MLLT3: variants seen among roughly 807,000 people sequenced by gnomAD.
The protein encoded by MLLT3 is MLLT3 super elongation complex subunit.
A neutral mutation model predicts 53.2 loss-of-function variants in MLLT3; 4 were observed. The ratio of observed to expected loss-of-function variants is 0.08; its 90% CI spans 0.04 to 0.17. The LOEUF is 0.17. Among genes scored for constraint, MLLT3 ranks in the 10% least tolerant of loss-of-function variants. The pLI, the probability that MLLT3 is intolerant of heterozygous loss-of-function variation, is 1.00. For synonymous variants in MLLT3, 283 were observed against 230.6 expected, an observed-to-expected ratio of 1.23 and a Z score of -2.06; for missense variants, 569 against 684.0, an observed-to-expected ratio of 0.83 and a Z score of 1.87.
intron 2 of MLLT3, among the ~76,000 whole-genome samples, chr9:20,471,095 T>C (rs1441150944): frequency 1.3e-5 from 2 of 152,040 alleles, no homozygotes; most frequent in East Asian, 1.9e-4. Context: ...TTTTTAAAGA[T>C]GGAATATGAC....
intron 4 of MLLT3, among the ~76,000 whole-genome samples, chr9:20,444,079 A>G (rs2118839672): frequency 6.6e-6 from 1 of 152,348 alleles, no homozygotes; most frequent in East Asian, 1.9e-4. Flanking sequence ...AGAAAAGCTC[A>G]TCTTCTTTCA....
intron 5 of MLLT3, among the ~76,000 whole-genome samples, chr9:20,388,123 A>G (rs1822086822): frequency 6.6e-6 from 1 of 152,226 alleles, no homozygotes; most frequent in African/African-American, 2.4e-5. Flanking sequence ...ATTCTTGCAT[A>G]GACCTCAAAA....
At chr9:20,382,520 T>C (rs1011070079) in intron 5 of MLLT3, 1 of 151,884 alleles carries the variant, frequency 6.6e-6, no homozygotes, top group African/African-American at 2.4e-5. Context: ...CATGTATATT[T>C]AGATTAGACT....
rs902475441 is a variant in MLLT3 at position 20,622,416 on chromosome 9, T to C, written c.-160A>G. ...TCTGCCTTTTTCCCCCCGCGCTCGC[T>C]TGCTCGCTCGCTCGCTTATTAAACT... On this transcript the variant is annotated 5_prime_UTR_variant, in exon 1 of 11. Transcript: ENST00000380338. The C allele has an allele frequency of 3.1e-6, 2 of 652,070 alleles. No individual in the cohort carries two copies. The highest frequency in any genetic ancestry group is 5.1e-6 in the Non-Finnish European group (2 of 391,298). 40.4% of individuals were successfully genotyped at this position (652,070 alleles called of 1,614,324 possible). A position where few individuals can be genotyped will look rare whatever the true frequency, so the allele number is the denominator to read the frequency against.
chr9:20,613,249 CCA>C (rs1031194573), intron 2 of MLLT3, among the ~76,000 whole-genome samples: 11 of 152,070 alleles, frequency 7.2e-5, no homozygotes, highest in African/African-American at 2.4e-4. Context: ...ATACTAAAAA[CCA>C]CAGACTTGCA....
chr9:20,452,753 G>A (rs959780632), intron 3 of MLLT3, among the ~76,000 whole-genome samples: 9 of 152,160 alleles, frequency 5.9e-5, no homozygotes, highest in Admixed American at 1.3e-4. Flanking sequence ...GACTCAGAAA[G>A]ATGAGTACTG....
intron 2 of MLLT3, among the ~76,000 whole-genome samples, chr9:20,547,598 C>T (rs1587055401): frequency 6.7e-6 from 1 of 148,658 alleles, no homozygotes; most frequent in Admixed American, 6.8e-5. Flanking sequence ...GAGCCGAGAT[C>T]GCACCATTGC....
chr9:20,582,798 T>G (rs1331588204), intron 2 of MLLT3, among the ~76,000 whole-genome samples: 3 of 152,168 alleles, frequency 2.0e-5, no homozygotes, highest in Non-Finnish European at 4.4e-5. Context: ...CCTCCATGAT[T>G]CAATTACTTC....
intron 2 of MLLT3, among the ~76,000 whole-genome samples, chr9:20,581,069 A>G (rs1415247434): frequency 6.6e-6 from 1 of 152,240 alleles, no homozygotes; most frequent in Non-Finnish European, 1.5e-5. Context: ...TGCTTCTTTA[A>G]ATTCCATTTA....
intron 2 of MLLT3, among the ~76,000 whole-genome samples, chr9:20,521,545 T>C (rs7854782): frequency 0.44 from 66,025 of 151,706 alleles, 14,559 homozygotes; most frequent in East Asian, 0.53. Flanking sequence ...GAAGAAGAAA[T>C]CATTTAACTG....
At chr9:20,616,226 G>C (rs1006885226) in intron 2 of MLLT3, among the ~76,000 whole-genome samples, 10 of 152,016 alleles carry the variant, frequency 6.6e-5, no homozygotes, top group African/African-American at 1.7e-4. Flanking sequence ...AGACACAGAA[G>C]TAACTTGTCC....
chr9:20,520,504 T>C (rs1237035596), intron 2 of MLLT3, among the ~76,000 whole-genome samples: 4 of 152,188 alleles, frequency 2.6e-5, no homozygotes, highest in Non-Finnish European at 5.9e-5. Flanking sequence ...GAAAAGTGAT[T>C]TCCTTCATGT....
At chr9:20,557,284 T>C (rs1269147690) in intron 2 of MLLT3, among the ~76,000 whole-genome samples, 1 of 152,084 alleles carries the variant, frequency 6.6e-6, no homozygotes, top group Non-Finnish European at 1.5e-5. Flanking sequence ...GTTGAGGGCA[T>C]GGAATGTGGT....
intron 2 of MLLT3, among the ~76,000 whole-genome samples, chr9:20,527,436 G>C (rs1056882604): frequency 2.6e-5 from 4 of 152,142 alleles, no homozygotes; most frequent in Non-Finnish European, 5.9e-5. Context: ...GTAGTCTATG[G>C]AGTTTTGAAC....
Position 20,346,349 on chromosome 9 carries a change from A to T in MLLT3, c.*94T>A. On this transcript the variant is annotated 3_prime_UTR_variant, in exon 11 of 11. Coordinates refer to ENST00000380338, the MANE Select transcript of MLLT3 (RefSeq NM_004529.4). Reference sequence around the variant, plus strand: ...TGGTTGCATCATTTTGAGTGTTTTCATATAAACAACAAGAACAAAAAATCA... The same window carrying T: ...TGGTTGCATCATTTTGAGTGTTTTCTTATAAACAACAAGAACAAAAAATCA... 7.8e-7 allele frequency: 1 copy of T among 1,288,560 alleles called. No individual in the cohort carries two copies. Among genetic ancestry groups the T allele is most frequent in the Non-Finnish European group, 1.0e-6 (1 of 953,686 alleles). 79.8% of individuals were successfully genotyped at this position (1,288,560 alleles called of 1,614,324 possible).
chr9:20,359,697 C>T (rs895622374), intron 8 of MLLT3, among the ~76,000 whole-genome samples: 4 of 152,152 alleles, frequency 2.6e-5, no homozygotes, highest in African/African-American at 9.7e-5. Context: ...CCAAGTAACA[C>T]AAAGACCACG....
At chr9:20,432,867 G>A (rs75643238) in intron 4 of MLLT3, among the ~76,000 whole-genome samples, 341 of 151,948 alleles carry the variant, frequency 2.2e-3, no homozygotes, top group African/African-American at 7.9e-3. Flanking sequence ...ATTCACTGTT[G>A]TATCTCTCCA....
intron 2 of MLLT3, among the ~76,000 whole-genome samples, chr9:20,538,144 A>G (rs1334164286): frequency 6.6e-6 from 1 of 152,214 alleles, no homozygotes; most frequent in African/African-American, 2.4e-5. Context: ...TAGTTTTTTT[A>G]GAACCTAAGA....
At chr9:20,530,237 G>A (rs1406789774) in intron 2 of MLLT3, among the ~76,000 whole-genome samples, 2 of 152,146 alleles carry the variant, frequency 1.3e-5, no homozygotes, top group Non-Finnish European at 2.9e-5. Context: ...ATTAGACCAG[G>A]AAGTCATACA....
Sources: gnomAD v4.1 joint callset for allele counts (sites outside exome capture counted in the v4.1 genomes callset) on GRCh38, gnomAD v4.1.1 for gene constraint, MANE v1.5 for transcripts, NCBI Gene and HGNC (gene_info 2026-07-23, HGNC 2026-07-21) for gene names.